The following PIK3AP1 variants were observed in gnomAD, a reference collection of about 807,000 sequenced individuals.
PIK3AP1 encodes phosphoinositide 3-kinase adapter protein 1.
PIK3AP1 carries 21 observed loss-of-function variants against 88.1 expected under a neutral mutation model. The observed-to-expected ratio is 0.24, with a 90% CI of 0.17 to 0.34. The LOEUF is 0.34. PIK3AP1 is among the 10% of genes least tolerant of loss of function. The pLI is 1.00. For missense variants in PIK3AP1, 828 were observed against 1,035.7 expected (o/e 0.80, Z 2.75); for synonymous variants, 398 against 400.0 (o/e 1.00, Z 0.06).
At position 96,622,554 on chromosome 10, in the gene PIK3AP1, G is replaced by A. The variant is rs117358346; in HGVS notation, c.1735+918C>T. On this transcript the variant is annotated intron_variant, in intron 11 of 16. Coordinates refer to ENST00000339364, the MANE Select transcript of PIK3AP1 (RefSeq NM_152309.3). ...ATTCTGCCCAACCATTCACTTATCT[G>A]TCCGCACACACCCACACATCCTTCT... is the stretch of plus-strand genomic sequence containing the variant. Among the ~76,000 whole-genome samples the A allele has an allele frequency of 5.6e-3, 847 of 152,278 alleles. 6 individuals are homozygous for A. The highest frequency in any genetic ancestry group is 0.01 in the Middle Eastern group (3 of 294).
intron 16 of PIK3AP1, among the ~76,000 whole-genome samples, chr10:96,601,984 A>G (rs537540605): frequency 2.6e-5 from 4 of 152,132 alleles, no homozygotes; most frequent in Non-Finnish European, 5.9e-5. Context: ...CCCGGGTTCA[A>G]GCAATTCTCC....
chr10:96,595,073 A>G lies in PIK3AP1; in HGVS notation c.*504T>C, dbSNP rs1020678338. 1 of 155,754 alleles carries G rather than the reference A, an allele frequency of 6.4e-6. No individual in the cohort carries two copies. Among genetic ancestry groups the G allele is most frequent in the Non-Finnish European group, 1.4e-5 (1 of 70,132 alleles). The allele number at this position is 155,754 out of a possible 1,614,324, so 9.6% of individuals were successfully genotyped here. A position where few individuals can be genotyped will look rare whatever the true frequency, so the allele number is the denominator to read the frequency against. ...CTTTTTCAGTTGGTTGTGTGTGACCAGCCCTAGCACTTAAATACCCTGCTG... is the reference window on the plus strand; with the variant it reads ...CTTTTTCAGTTGGTTGTGTGTGACCGGCCCTAGCACTTAAATACCCTGCTG... On this transcript the variant is annotated 3_prime_UTR_variant, in exon 17 of 17. Coordinates refer to ENST00000339364, the MANE Select transcript of PIK3AP1 (RefSeq NM_152309.3).
chr10:96,720,306 G>T lies in PIK3AP1; in HGVS notation c.13+76C>A. The T allele has an allele frequency of 8.2e-7, 1 of 1,225,126 alleles. No homozygotes were observed. 75.9% of individuals were successfully genotyped at this position (1,225,126 alleles called of 1,614,324 possible). On this transcript the variant is annotated intron_variant, in intron 1 of 16. Coordinates refer to ENST00000339364, the MANE Select transcript of PIK3AP1 (RefSeq NM_152309.3). The surrounding 1 kb of genome is among the most constrained non-coding windows in gnomAD (Gnocchi z 4.6). ...AGAGGACGCAAACAGAAGCAAGCGG[G>T]GGAGCGCGCCTCAAGGGATGCGGGG... is the stretch of plus-strand genomic sequence containing the variant.
intron 7 of PIK3AP1, among the ~76,000 whole-genome samples, chr10:96,646,152 C>G (rs552989880): frequency 6.6e-6 from 1 of 152,032 alleles, no homozygotes; most frequent in South Asian, 2.1e-4. Flanking sequence ...CCCAGCTACT[C>G]GGGAGGCCGA....
chr10:96,707,453 T>C (rs933386967), intron 2 of PIK3AP1, among the ~76,000 whole-genome samples: 3 of 152,092 alleles, frequency 2.0e-5, no homozygotes, highest in African/African-American at 7.2e-5. Flanking sequence ...CCATCACGAC[T>C]AGCTAATTTT....
chr10:96,624,869 C>T (rs1843134200), intron 10 of PIK3AP1, among the ~76,000 whole-genome samples: 1 of 152,186 alleles, frequency 6.6e-6, no homozygotes. Context: ...GTGCCCCTGT[C>T]CAAACACCTC....
chr10:96,700,621 C>T (rs866287123), intron 2 of PIK3AP1, among the ~76,000 whole-genome samples: 5 of 152,110 alleles, frequency 3.3e-5, no homozygotes, highest in Non-Finnish European at 2.9e-5. Context: ...TAAGGAGGAT[C>T]CTGGAGGAGG....
Position 96,602,401 on chromosome 10 carries a change from A to G in PIK3AP1, c.2242-3T>C, listed in dbSNP as rs374054197. ...GTAACCTCAGGGACTTCATTATCCT[A>G]CAGCAAAGAAGATGAGAAAGAAAGG... is the stretch of plus-strand genomic sequence containing the variant. On this transcript the variant is annotated splice_region_variant and splice_polypyrimidine_tract_variant and intron_variant, in intron 15 of 16. Transcript: ENST00000339364. 25 of 1,607,324 alleles carry G rather than the reference A, an allele frequency of 1.6e-5. No individual in the cohort carries two copies. The African/African-American group carries it at 2.9e-4, about 19-fold the overall frequency.
chr10:96,661,327 G>A (rs546677184), intron 2 of PIK3AP1, among the ~76,000 whole-genome samples: 49 of 152,324 alleles, frequency 3.2e-4, no homozygotes, highest in Admixed American at 5.9e-4. Context: ...AGGCTTTTTA[G>A]GGCAATGAAA....
chr10:96,712,668 T>G (rs952384819), intron 1 of PIK3AP1, among the ~76,000 whole-genome samples: 3 of 152,244 alleles, frequency 2.0e-5, no homozygotes, highest in Admixed American at 6.5e-5. Flanking sequence ...ATGTGGCTGG[T>G]TTATCTTAAG....
intron 2 of PIK3AP1, among the ~76,000 whole-genome samples, chr10:96,689,101 A>AC (rs1218310175): frequency 6.6e-6 from 1 of 152,120 alleles, no homozygotes; most frequent in African/African-American, 2.4e-5. Context: ...TTCTTCTTCC[A>AC]CTGACTCAAT....
At chr10:96,713,928 C>T (rs1002800538) in intron 1 of PIK3AP1, among the ~76,000 whole-genome samples, 1 of 152,130 alleles carries the variant, frequency 6.6e-6, no homozygotes, top group South Asian at 2.1e-4. Context: ...AATCCCAGCA[C>T]TTTGGGAGGC....
chr10:96,608,827 G>T (rs765462284), intron 14 of PIK3AP1, among the ~76,000 whole-genome samples: 1 of 152,218 alleles, frequency 6.6e-6, no homozygotes, highest in Admixed American at 6.5e-5. Flanking sequence ...TTCTCTGCCC[G>T]ACATTTAAGG....
At chr10:96,665,660 G>T (rs1038490367) in intron 2 of PIK3AP1, among the ~76,000 whole-genome samples, 3 of 152,126 alleles carry the variant, frequency 2.0e-5, no homozygotes, top group Non-Finnish European at 4.4e-5. Flanking sequence ...TTATATGAAT[G>T]ACCACGTTAT....
At chr10:96,629,930 A>AGAAG (rs1554955593) in intron 8 of PIK3AP1, among the ~76,000 whole-genome samples, 2 of 13,724 alleles carry the variant, frequency 1.5e-4, no homozygotes, top group Admixed American at 1.2e-3. Context: ...AAAAAAAAAA[A>AGAAG]AAGAAGAAGA....
In PIK3AP1 at chr10:96,620,155, C is replaced by G. The variant is rs572725386; in HGVS notation, c.1941+197G>C. On this transcript the variant is annotated intron_variant, in intron 12 of 16. Transcript: ENST00000339364. ...TGGTACCTGGAAAAGCTACCCAGCTCTCAGCCAGGGAGCCATGTGGTTACA... is the reference window on the plus strand; with the variant it reads ...TGGTACCTGGAAAAGCTACCCAGCTGTCAGCCAGGGAGCCATGTGGTTACA... 2.0e-5 allele frequency among the ~76,000 whole-genome samples: 3 copies of G among 152,276 alleles called. No individual in the cohort carries two copies. In the East Asian group the frequency reaches 5.8e-4, roughly 29 times the overall value.
At chr10:96,627,054 G>A in intron 9 of PIK3AP1, 149 bp from the exon 10 acceptor site, 1 of 712,374 alleles carries the variant, frequency 1.4e-6, no homozygotes, top group Non-Finnish European at 2.4e-6. Flanking sequence ...TGTATCGTCT[G>A]CTCAGAACAC....
chr10:96,639,963 C>T (rs1843362231), intron 8 of PIK3AP1, among the ~76,000 whole-genome samples: 1 of 152,186 alleles, frequency 6.6e-6, no homozygotes, highest in Non-Finnish European at 1.5e-5. Flanking sequence ...AGATGGAACC[C>T]AGCTTGCAGA....
At chr10:96,699,550 C>T (rs999904355) in intron 2 of PIK3AP1, among the ~76,000 whole-genome samples, 7 of 152,150 alleles carry the variant, frequency 4.6e-5, no homozygotes, top group Middle Eastern at 3.4e-3. Flanking sequence ...TTTTGGATAG[C>T]GCTGGTTTTG....
Sources: gnomAD v4.1 joint callset for allele counts (sites outside exome capture counted in the v4.1 genomes callset) on GRCh38, gnomAD v4.1.1 for gene constraint, Gnocchi (gnomAD v3.1) non-coding constraint, MANE v1.5 for transcripts, NCBI Gene and HGNC (gene_info 2026-07-23, HGNC 2026-07-21) for gene names.